The following UACA variants were observed in gnomAD, a reference collection of about 807,000 sequenced individuals.
UACA encodes the protein uveal autoantigen with coiled-coil domains and ankyrin repeats, also known as nuclear membrane binding protein.
A neutral mutation model predicts 160.5 loss-of-function variants in UACA; 112 were observed. The ratio of observed to expected loss-of-function variants is 0.70; its 90% CI spans 0.60 to 0.82. The LOEUF (loss-of-function observed/expected upper bound fraction) is 0.82. Ranked by LOEUF, UACA falls within the 40% of genes least tolerant of loss-of-function variation. The probability of loss-of-function intolerance (pLI) is 0.00; values close to 1 mark genes in which losing one functional copy is unlikely to be tolerated. For synonymous variants in UACA, 557 were observed against 568.4 expected (o/e 0.98, Z 0.29); for missense variants, 1,574 against 1,614.6 (o/e 0.97, Z 0.43).
At chr15:70,711,049 C>T (rs1410304007) in intron 1 of UACA, among the ~76,000 whole-genome samples, 1 of 152,178 alleles carries the variant, frequency 6.6e-6, no homozygotes, top group Non-Finnish European at 1.5e-5. Flanking sequence ...GGCTCCCAGT[C>T]ATCTCATTAG....
At chr15:70,664,602 AAACT>A in intron 17 of UACA, 56 bp downstream of exon 17, 3 of 1,532,038 alleles carry the variant, frequency 2.0e-6, no homozygotes. Context: ...TGAGCCTTAC[AAACT>A]AACTACAGGG....
rs1331821541 is a variant in UACA at position 70,700,238 on chromosome 15, C to CG, written c.79-579_79-578insC. 8.1e-5 allele frequency among the ~76,000 whole-genome samples: 12 copies of CG among 147,386 alleles called. No individual in the cohort carries two copies. In the East Asian group the frequency reaches 2.2e-3, roughly 27 times the overall value. ...TTCTACATACATTTTAAGAAACTAC[C>CG]CCCCCCCAACACAGACATTTATTTA... On this transcript the variant is annotated intron_variant, in intron 1 of 18. Coordinates refer to ENST00000322954, the MANE Select transcript of UACA (RefSeq NM_018003.4).
At chr15:70,719,217 T>G (rs1898919129) in intron 1 of UACA, among the ~76,000 whole-genome samples, 8 of 152,204 alleles carry the variant, frequency 5.3e-5, no homozygotes, top group Admixed American at 5.2e-4. Context: ...CTGAAATTCC[T>G]GGACTTGCAA....
At chr15:70,659,041 C>A (rs1275943644) in intron 18 of UACA, among the ~76,000 whole-genome samples, 9 of 152,180 alleles carry the variant, frequency 5.9e-5, no homozygotes, top group African/African-American at 2.2e-4. Context: ...ATGGCCAATA[C>A]TAGTGAGTTT....
At chr15:70,765,508 A>G (rs1249480212), upstream of UACA, among the ~76,000 whole-genome samples, 2 of 152,148 alleles carry the variant, frequency 1.3e-5, no homozygotes, top group Non-Finnish European at 2.9e-5. Context: ...TAGTTACAGC[A>G]ATTATACCTC....
intron 1 of UACA, among the ~76,000 whole-genome samples, chr15:70,719,883 C>T (rs563056066): frequency 1.1e-3 from 163 of 152,298 alleles, no homozygotes; most frequent in African/African-American, 3.7e-3. Flanking sequence ...ATTTTCATTG[C>T]TAAGGACCCA....
At chr15:70,659,267 T>C (rs372332508) in intron 18 of UACA, among the ~76,000 whole-genome samples, 4 of 152,080 alleles carry the variant, frequency 2.6e-5, no homozygotes, top group East Asian at 1.9e-4. Context: ...GGCAGGTCTA[T>C]TGATTTTAAG....
intron 1 of UACA, among the ~76,000 whole-genome samples, chr15:70,721,626 TA>T (rs67382101): frequency 3.0e-3 from 420 of 141,184 alleles, no homozygotes; most frequent in Middle Eastern, 7.5e-3. Flanking sequence ...GACTCCATCT[TA>T]AAAAAAAAAA....
chr15:70,679,311 G>A (rs1320520705), intron 10 of UACA, among the ~76,000 whole-genome samples: 1 of 151,920 alleles, frequency 6.6e-6, no homozygotes, highest in African/African-American at 2.4e-5. Flanking sequence ...GCTGAGGCAG[G>A]AGGATCACTT....
chr15:70,707,731 C>T (rs1898561957), intron 1 of UACA, among the ~76,000 whole-genome samples: 1 of 151,930 alleles, frequency 6.6e-6, no homozygotes, highest in Admixed American at 6.6e-5. Context: ...TAACCTCACA[C>T]TCATTACGAA....
At chr15:70,700,316 T>TAC (rs1445933630) in intron 1 of UACA, among the ~76,000 whole-genome samples, 16 of 142,646 alleles carry the variant, frequency 1.1e-4, no homozygotes, top group South Asian at 8.5e-4. Flanking sequence ...TATATATATA[T>TAC]ATACACACAC....
intron 1 of UACA, chr15:70,702,149 A>G (rs1898388384): frequency 7.8e-7 from 1 of 1,284,950 alleles, no homozygotes; most frequent in South Asian, 2.4e-5. Flanking sequence ...CTTGATTAAG[A>G]GCAGCCCCAA....
intron 11 of UACA, among the ~76,000 whole-genome samples, 163 bp downstream of exon 11, chr15:70,677,936 T>C (rs1022627602): frequency 6.6e-6 from 1 of 152,194 alleles, no homozygotes; most frequent in East Asian, 1.9e-4. Context: ...TGTTAGCTTA[T>C]GGTACTTTAA....
In UACA at chr15:70,763,318, C is replaced by G. The variant is rs1018739476; in HGVS notation, c.78+12G>C. ...GAGCGGAGCGCCTCGCAGCCCGGAC[C>G]GCGGGACTCACCGCGCTGGCGGCGG... On this transcript the variant is annotated intron_variant, in intron 1 of 18. Transcript: ENST00000322954. 4.5e-6 allele frequency: 6 copies of G among 1,333,286 alleles called. No individual in the cohort carries two copies. The South Asian group carries it at 1.2e-4, about 26-fold the overall frequency. The allele number at this position is 1,333,286 out of a possible 1,614,324, so 82.6% of individuals were successfully genotyped here.
At chr15:70,746,683 CAT>C (rs376815893) in intron 1 of UACA, among the ~76,000 whole-genome samples, 23 of 152,260 alleles carry the variant, frequency 1.5e-4, no homozygotes, top group African/African-American at 5.1e-4. Context: ...CACATGCACA[CAT>C]ATGTTTACTG....
At chr15:70,767,044 T>C (rs986761437), upstream of UACA, among the ~76,000 whole-genome samples, 2 of 149,640 alleles carry the variant, frequency 1.3e-5, no homozygotes, top group African/African-American at 4.9e-5. Flanking sequence ...ATCGAGACAA[T>C]CCTGGCTAAT....
At chr15:70,737,412 T>C (rs11855431) in intron 1 of UACA, among the ~76,000 whole-genome samples, 20,778 of 152,234 alleles carry the variant, frequency 0.14, 1,738 homozygotes, top group African/African-American at 0.23. Context: ...ATTTTTTCCA[T>C]ATTTAAAAAC....
intron 1 of UACA, among the ~76,000 whole-genome samples, chr15:70,711,629 T>A (rs183955234): frequency 6.6e-5 from 10 of 152,268 alleles, no homozygotes; most frequent in Admixed American, 6.5e-4. Context: ...CAGTGCTAGA[T>A]ATACCAGGGG....
chr15:70,674,951 C>T (rs1897263740), intron 13 of UACA, among the ~76,000 whole-genome samples: 1 of 152,180 alleles, frequency 6.6e-6, no homozygotes, highest in East Asian at 1.9e-4. Flanking sequence ...GAAATACATA[C>T]ATAAATAGTA....
Sources: gnomAD v4.1 joint callset for allele counts (sites outside exome capture counted in the v4.1 genomes callset) on GRCh38, gnomAD v4.1.1 for gene constraint, MANE v1.5 for transcripts, NCBI Gene and HGNC (gene_info 2026-07-23, HGNC 2026-07-21) for gene names.